The following PSMD13 variants were observed in gnomAD, a reference collection of about 807,000 sequenced individuals.
PSMD13 encodes 26S proteasome non-ATPase regulatory subunit 13.
A neutral mutation model predicts 57.4 loss-of-function variants in PSMD13; 8 were observed. The ratio of observed to expected loss-of-function variants is 0.14; its 90% CI spans 0.08 to 0.25. The LOEUF is 0.25. PSMD13 is among the 10% of genes least tolerant of loss of function. PSMD13 has a pLI of 1.00. For missense variants in PSMD13, 400 were observed against 461.5 expected (o/e 0.87, Z 1.22); for synonymous variants, 193 against 168.2 (o/e 1.15, Z -1.14).
At chr11:249,153 A>G in intron 9 of PSMD13, 96 bp downstream of exon 9, 1 of 1,540,994 alleles carries the variant, frequency 6.5e-7, no homozygotes, top group Non-Finnish European at 8.8e-7. Flanking sequence ...CACACAGGAA[A>G]GAACAGGGCA....
chr11:237,019 G>A lies in PSMD13; in HGVS notation c.-31G>A. Reference sequence around the variant, plus strand: ...TCCCCGCGGTGCTGACATCCCGGTTGTTCTTCTGTGCCGGGGGTCTTCCTG... The same window carrying A: ...TCCCCGCGGTGCTGACATCCCGGTTATTCTTCTGTGCCGGGGGTCTTCCTG... On this transcript the variant is annotated 5_prime_UTR_variant, in exon 1 of 13. Transcript: ENST00000532097. The A allele has an allele frequency of 6.4e-7, 1 of 1,564,324 alleles. No individual in the cohort carries two copies. Among genetic ancestry groups the A allele is most frequent in the Non-Finnish European group, 8.8e-7 (1 of 1,135,538 alleles).
rs750256216 is a variant in PSMD13 at position 249,073 on chromosome 11, T to C, written c.774+16T>C. 4.3e-6 allele frequency: 7 copies of C among 1,609,306 alleles called. No individual in the cohort carries two copies. In the Admixed American group the frequency reaches 5.0e-5, roughly 11 times the overall value. On this transcript the variant is annotated intron_variant, in intron 9 of 12. Coordinates refer to ENST00000532097, the MANE Select transcript of PSMD13 (RefSeq NM_002817.4). ...GGGCCAGCAGGTAGGACTCCCACGA[T>C]GCCCAGCCCTTATTCCCCCATGTAT...
chr11:244,466 G>A lies in PSMD13; in HGVS notation c.306G>A (p.Glu102=). The A allele has an allele frequency of 6.2e-7, 1 of 1,601,566 alleles. No individual in the cohort carries two copies. The highest frequency in any genetic ancestry group is 8.5e-7 in the Non-Finnish European group (1 of 1,174,516). The stretch of plus-strand genomic sequence containing the variant: ...TTACTTTTCTGGAAAAGACTCGTGA[G>A]AAGGTAAATGTGGCATGTGGGCAAT... The part of the protein sequence containing the change: ...VALTFLEKTR[E]KVKSSDEAVI... The change falls in exon 5 of 13, where the codon GAG becomes GAA. Residue 102 remains glutamate, a synonymous_variant. Transcript: ENST00000532097.
intron 9 of PSMD13, 91 bp from the exon 10 acceptor site, chr11:250,712 C>G (rs1261244088): frequency 8.4e-7 from 1 of 1,190,970 alleles, no homozygotes; most frequent in African/African-American, 1.5e-5. Flanking sequence ...TTTGTTGGGT[C>G]TACTGTTATA....
chr11:248,684 G>C, intron 7 of PSMD13, 92 bp from the exon 8 acceptor site: 1 of 1,243,912 alleles, frequency 8.0e-7, no homozygotes, highest in Non-Finnish European at 1.2e-6. Flanking sequence ...TACAAACAAT[G>C]TTTTTTTACT....
intron 9 of PSMD13, among the ~76,000 whole-genome samples, chr11:249,543 A>AGGGAGGGGGAGAGCGGTGGGTGCG (rs1859729063): frequency 3.4e-5 from 4 of 117,630 alleles, no homozygotes; most frequent in South Asian, 6.3e-4. Context: ...CGGTGGGTGC[A>AGGGAGGGGGAGAGCGGTGGGTGCG]GGGAGGGGGA....
chr11:238,366 C>T (rs1009038937), intron 1 of PSMD13, among the ~76,000 whole-genome samples: 25 of 152,208 alleles, frequency 1.6e-4, no homozygotes, highest in African/African-American at 5.3e-4. Context: ...AAAACTGAGT[C>T]TTAGAGAAGT....
At chr11:246,431 G>A (rs114966919) in intron 6 of PSMD13, among the ~76,000 whole-genome samples, 1,522 of 151,728 alleles carry the variant, frequency 0.01, 22 homozygotes, top group African/African-American at 0.035. Context: ...AGCCTGCAAG[G>A]CGGAGGTTGC....
chr11:244,581 C>A, intron 5 of PSMD13, 94 bp from the exon 6 acceptor site: 1 of 1,496,066 alleles, frequency 6.7e-7, no homozygotes, highest in South Asian at 1.2e-5. Context: ...GGCCTCTAGT[C>A]ATCAAGGTTA....
chr11:251,526 G>A lies in PSMD13; in HGVS notation c.838-20G>A, dbSNP rs1590255195. ...TTATTTGGAAAAATAGTTTAAAATA[G>A]TTAATAAAATTTTTTCCAGATGACT... On this transcript the variant is annotated intron_variant, in intron 10 of 12. Coordinates refer to ENST00000532097, the MANE Select transcript of PSMD13 (RefSeq NM_002817.4). The surrounding 1 kb of genome is among the most constrained non-coding windows in gnomAD (Gnocchi z 4.6). 3.8e-6 allele frequency: 6 copies of A among 1,583,142 alleles called. No individual in the cohort carries two copies. The highest frequency in any genetic ancestry group is 5.2e-6 in the Non-Finnish European group (6 of 1,155,106).
At position 252,452 on chromosome 11, in the gene PSMD13, G is replaced by A. The variant is rs1859783002; in HGVS notation, c.1036-53G>A. ...CATCAGGTGCTGTGCCGGCCGCTCG[G>A]CCTGTGTCTCCTGCGTGTCTTAACG... On this transcript the variant is annotated intron_variant, in intron 12 of 12. Transcript: ENST00000532097. This position sits in a 1 kb window ranked among gnomAD's most constrained non-coding sequence, Gnocchi z 4.1. The A allele has an allele frequency of 6.4e-7, 1 of 1,572,644 alleles. No homozygotes were observed. The highest frequency in any genetic ancestry group is 1.1e-5 in the South Asian group (1 of 89,962).
rs772252313 is a variant in PSMD13 at position 247,277 on chromosome 11, G to C, written c.397G>C (p.Glu133Gln). Residue 133 changes from glutamate to glutamine, a missense_variant and splice_region_variant, in exon 7 of 13, where the codon GAA (glutamate) becomes CAA (glutamine). Transcript: ENST00000532097. ...LNIGDLQVTK[E>Q]TIEDVEEMLN... is the part of the protein sequence containing the mutation. ...AGATGATTTTCCTTCCTGTGTATAG[G>C]AAACAATTGAAGATGTTGAAGAAAT... The C allele has an allele frequency of 6.2e-7, 1 of 1,609,160 alleles. No homozygotes were observed. Among genetic ancestry groups the C allele is most frequent in the South Asian group, 1.1e-5 (1 of 89,950 alleles).
chr11:251,365 C>T lies in PSMD13; in HGVS notation c.838-181C>T. ...TGTAAGGCATTTTGCTGTTATCCTT[C>T]TTATCTAAGCATTAAAAGCTTGTTC... is the stretch of plus-strand genomic sequence containing the variant. On this transcript the variant is annotated intron_variant, in intron 10 of 12. Coordinates refer to ENST00000532097, the MANE Select transcript of PSMD13 (RefSeq NM_002817.4). The surrounding 1 kb of genome is among the most constrained non-coding windows in gnomAD (Gnocchi z 4.6). 1.7e-6 allele frequency: 1 copy of T among 597,322 alleles called. No homozygotes were observed. Among genetic ancestry groups the T allele is most frequent in the East Asian group, 2.9e-5 (1 of 34,910 alleles). 37.0% of individuals were successfully genotyped at this position (597,322 alleles called of 1,614,324 possible). A position where few individuals can be genotyped will look rare whatever the true frequency, so the allele number is the denominator to read the frequency against.
At chr11:245,451 G>T (rs1439401992) in intron 6 of PSMD13, among the ~76,000 whole-genome samples, 1 of 152,186 alleles carries the variant, frequency 6.6e-6, no homozygotes, top group Non-Finnish European at 1.5e-5. Flanking sequence ...ACCAAGGTCA[G>T]CCTACACACC....
rs922648773 is a variant in PSMD13 at position 252,921 on chromosome 11, T to C, written c.*321T>C. 4 of 253,316 alleles carry C rather than the reference T, an allele frequency of 1.6e-5. No homozygotes were observed. In the Admixed American group the frequency reaches 1.9e-4, roughly 12 times the overall value. 15.7% of individuals were successfully genotyped at this position (253,316 alleles called of 1,614,324 possible). On this transcript the variant is annotated 3_prime_UTR_variant, in exon 13 of 13. Coordinates refer to ENST00000532097, the MANE Select transcript of PSMD13 (RefSeq NM_002817.4). This position sits in a 1 kb window ranked among gnomAD's most constrained non-coding sequence, Gnocchi z 4.1. ...GTGGATCTCCATCCCCATCCACCTG[T>C]ACGGACATCTTTTCCGTTGCGGTTT...
chr11:245,162 G>A (rs914186416), intron 6 of PSMD13, among the ~76,000 whole-genome samples: 1 of 152,030 alleles, frequency 6.6e-6, no homozygotes, highest in African/African-American at 2.4e-5. Flanking sequence ...AGGCTGGTCT[G>A]GAACTCCTGA....
rs1397764912 is a variant in PSMD13, at chr11:248,799, T to C, written c.592T>C (p.Phe198Leu). The C allele has an allele frequency of 8.1e-6, 13 of 1,614,226 alleles. No homozygotes were observed. Among genetic ancestry groups the C allele is most frequent in the Non-Finnish European group, 1.1e-5 (13 of 1,180,036 alleles). Reference sequence around the variant, plus strand: ...AGTGTCTGAGCAGCAGGAGAGAGCCTTCACGCTGGGGCTAGCAGGACTTCT... The same window carrying C: ...AGTGTCTGAGCAGCAGGAGAGAGCCCTCACGCTGGGGCTAGCAGGACTTCT... ...LPVSEQQERAFTLGLAGLLGE... is the reference protein window; with the variant it reads ...LPVSEQQERALTLGLAGLLGE... The change falls in exon 8 of 13, where the codon TTC (phenylalanine) becomes CTC (leucine). Residue 198 changes from phenylalanine (F) to leucine (L), a missense_variant. Physicochemically the swap from Phe to Leu is conservative, Grantham distance 22 (BLOSUM62 0). Transcript: ENST00000532097.
At chr11:242,816 A>G (rs1859544720) in intron 2 of PSMD13, among the ~76,000 whole-genome samples, 2 of 150,168 alleles carry the variant, frequency 1.3e-5, no homozygotes, top group Admixed American at 1.3e-4. Flanking sequence ...TTTTTTTGAG[A>G]TGGAGTTTCA....
In PSMD13 at chr11:245,673, T is replaced by C. The variant is rs182374103; in HGVS notation, c.396+912T>C. On this transcript the variant is annotated intron_variant, in intron 6 of 12. Coordinates refer to ENST00000532097, the MANE Select transcript of PSMD13 (RefSeq NM_002817.4). ...GTGTGTGTGTGTGTGTGTGTGTGTG[T>C]GTGTGTGTTTGCATGTGTGTTCGTG... Among the ~76,000 whole-genome samples the C allele has an allele frequency of 1.4e-3, 195 of 136,626 alleles. 4 individuals carry two copies. Among genetic ancestry groups the C allele is most frequent in the African/African-American group, 5.3e-3 (189 of 35,752 alleles). The allele number at this position is 136,626 out of a possible 152,430, so 89.6% of individuals were successfully genotyped here.
Sources: gnomAD v4.1 joint callset for allele counts (sites outside exome capture counted in the v4.1 genomes callset) on GRCh38, gnomAD v4.1.1 for gene constraint, Gnocchi (gnomAD v3.1) non-coding constraint, MANE v1.5 for transcripts, NCBI Gene and HGNC (gene_info 2026-07-23, HGNC 2026-07-21) for gene names.